Variants in SNTG1 observed in about 807,000 individuals in gnomAD.
SNTG1 encodes the protein syntrophin gamma 1, also known as gamma-1-syntrophin.
In SNTG1, 39 loss-of-function variants were observed where a neutral mutation model predicts 74.7. The ratio of observed to expected loss-of-function variants is 0.52; its 90% CI spans 0.40 to 0.68. SNTG1 has a LOEUF of 0.68. Ranked by LOEUF, SNTG1 falls within the 30% of genes least tolerant of loss-of-function variation. SNTG1 has a pLI of 0.00. For synonymous variants in SNTG1, 254 were observed against 217.1 expected, an observed-to-expected ratio of 1.17 and a Z score of -1.49; for missense variants, 685 against 609.5, an observed-to-expected ratio of 1.12 and a Z score of -1.30.
chr8:50,067,927 T>A lies in SNTG1; in HGVS notation c.-102-104634T>A, dbSNP rs184198108. ...TGATTGCAGATATCTTTCATGCAAA[T>A]TCAGATTTTTTTCTTCCCTAAAGAT... On this transcript the variant is annotated intron_variant, in intron 1 of 18. Coordinates refer to ENST00000642720, the MANE Select transcript of SNTG1 (RefSeq NM_018967.5). Among the ~76,000 whole-genome samples the A allele has an allele frequency of 2.6e-3, 394 of 152,324 alleles. 3 individuals carry two copies. The highest frequency in any genetic ancestry group is 9.2e-3 in the African/African-American group (381 of 41,576).
chr8:49,994,420 T>TG (rs1813999126), intron 1 of SNTG1, among the ~76,000 whole-genome samples: 1 of 90,778 alleles, frequency 1.1e-5, no homozygotes. Flanking sequence ...CATGCCCGGC[T>TG]ATTTTTTTTT....
intron 9 of SNTG1, among the ~76,000 whole-genome samples, chr8:50,528,805 A>AT (rs556450377): frequency 0.01 from 1,504 of 146,310 alleles, 12 homozygotes; most frequent in Middle Eastern, 0.023. Context: ...TTTTTTCTAA[A>AT]TTTTTTTTTT....
At chr8:50,535,856 T>A (rs911161473) in intron 10 of SNTG1, among the ~76,000 whole-genome samples, 4 of 152,318 alleles carry the variant, frequency 2.6e-5, no homozygotes, top group Non-Finnish European at 5.9e-5. Flanking sequence ...GGGAAGTCAA[T>A]GTTACCAGTT....
chr8:50,426,482 T>C (rs1158946101), intron 4 of SNTG1, among the ~76,000 whole-genome samples: 1 of 151,640 alleles, frequency 6.6e-6, no homozygotes, highest in East Asian at 1.9e-4. Flanking sequence ...ATAAAAAGGC[T>C]TATAGAGTAA....
chr8:50,074,613 T>C (rs898361284), intron 1 of SNTG1, among the ~76,000 whole-genome samples: 1 of 152,162 alleles, frequency 6.6e-6, no homozygotes, highest in African/African-American at 2.4e-5. Flanking sequence ...ATAGTAACAT[T>C]AAAGATAACT....
chr8:50,176,094 T>C (rs2082989478), intron 2 of SNTG1, among the ~76,000 whole-genome samples: 1 of 152,172 alleles, frequency 6.6e-6, no homozygotes, highest in Admixed American at 6.5e-5. Flanking sequence ...AGTATTATAA[T>C]AAAACACTTA....
At chr8:50,364,828 GT>G in intron 2 of SNTG1, among the ~76,000 whole-genome samples, 1 of 152,040 alleles carries the variant, frequency 6.6e-6, no homozygotes, top group East Asian at 1.9e-4. Context: ...ATTTAAATCA[GT>G]TTTTGACTTC....
chr8:49,955,388 A>T (rs1324556929), intron 1 of SNTG1, among the ~76,000 whole-genome samples: 2 of 152,232 alleles, frequency 1.3e-5, no homozygotes, highest in Non-Finnish European at 2.9e-5. Flanking sequence ...GGAGCTCAGC[A>T]CGCACATTGC....
intron 15 of SNTG1, among the ~76,000 whole-genome samples, chr8:50,693,140 G>C (rs2095389628): frequency 6.6e-6 from 1 of 152,126 alleles, no homozygotes; most frequent in Non-Finnish European, 1.5e-5. Flanking sequence ...CAATTTTCCA[G>C]GTGCCGTCTG....
chr8:50,789,277 C>T (rs569112363), intron 18 of SNTG1, among the ~76,000 whole-genome samples: 3 of 152,028 alleles, frequency 2.0e-5, no homozygotes, highest in Admixed American at 6.6e-5. Context: ...ACAAGACTCC[C>T]GGGTTTTGCA....
chr8:50,702,478 A>G (rs1585587273), intron 15 of SNTG1, among the ~76,000 whole-genome samples: 1 of 152,192 alleles, frequency 6.6e-6, no homozygotes, highest in East Asian at 1.9e-4. Context: ...TAAGAATGCA[A>G]GCAGGAAACA....
At chr8:50,138,175 C>T (rs1475534139) in intron 1 of SNTG1, among the ~76,000 whole-genome samples, 2 of 151,982 alleles carry the variant, frequency 1.3e-5, no homozygotes, top group African/African-American at 2.4e-5. Flanking sequence ...GGAATAACGA[C>T]GTCACGGCAA....
In SNTG1 at chr8:50,704,598, A is replaced by G; in HGVS notation, c.1039-2A>G. 1.9e-6 allele frequency: 3 copies of G among 1,614,138 alleles called. No individual in the cohort carries two copies. Among genetic ancestry groups the G allele is most frequent in the African/African-American group, 1.3e-5 (1 of 75,054 alleles). On this transcript the variant is annotated splice_acceptor_variant, in intron 15 of 18. Coordinates refer to ENST00000642720, the MANE Select transcript of SNTG1 (RefSeq NM_018967.5). LOFTEE classifies it high-confidence loss of function. ...GCCTGTGTAACTCCAGGTTTTCACC[A>G]GGACAGTGACCTGCTGGACCGACGG...
intron 1 of SNTG1, among the ~76,000 whole-genome samples, chr8:49,926,237 T>G (rs1376411390): frequency 2.0e-5 from 3 of 152,146 alleles, no homozygotes; most frequent in Non-Finnish European, 4.4e-5. Context: ...ATTTACTTGA[T>G]TTTATAATTA....
At chr8:50,651,009 A>G (rs2095142036) in intron 13 of SNTG1, among the ~76,000 whole-genome samples, 1 of 152,152 alleles carries the variant, frequency 6.6e-6, no homozygotes, top group Non-Finnish European at 1.5e-5. Flanking sequence ...CCTCTCATTT[A>G]AATTTTAAAA....
At chr8:50,679,260 G>A (rs2095322055) in intron 15 of SNTG1, among the ~76,000 whole-genome samples, 1 of 151,990 alleles carries the variant, frequency 6.6e-6, no homozygotes, top group African/African-American at 2.4e-5. Context: ...GTTGTTGTAT[G>A]TCTAATTAAC....
At chr8:50,556,723 G>A (rs1021004165) in intron 12 of SNTG1, among the ~76,000 whole-genome samples, 2 of 152,156 alleles carry the variant, frequency 1.3e-5, no homozygotes, top group East Asian at 3.9e-4. Flanking sequence ...TTGATGGGTA[G>A]GTTAGTAAGA....
chr8:50,272,506 C>T (rs1245191998), intron 2 of SNTG1, among the ~76,000 whole-genome samples: 1 of 152,162 alleles, frequency 6.6e-6, no homozygotes, highest in Non-Finnish European at 1.5e-5. Flanking sequence ...AGATTGTTCA[C>T]AGCAAAAATT....
At chr8:50,662,757 A>G (rs763998283) in intron 15 of SNTG1, among the ~76,000 whole-genome samples, 22 of 151,326 alleles carry the variant, frequency 1.5e-4, no homozygotes, top group Non-Finnish European at 2.6e-4. Flanking sequence ...TTACTAAAAC[A>G]TTACCCTTTA....
Sources: gnomAD v4.1 joint callset for allele counts (sites outside exome capture counted in the v4.1 genomes callset) on GRCh38, gnomAD v4.1.1 for gene constraint, MANE v1.5 for transcripts, NCBI Gene and HGNC (gene_info 2026-07-23, HGNC 2026-07-21) for gene names.